The following POLR1C variants were observed in gnomAD, a reference collection of about 807,000 sequenced individuals.
POLR1C encodes DNA-directed RNA polymerases I and III subunit RPAC1.
A neutral mutation model predicts 38.3 loss-of-function variants in POLR1C; 42 were observed. That is an observed-to-expected ratio of 1.10 (90% CI 0.86 to 1.42). The LOEUF (loss-of-function observed/expected upper bound fraction) is 1.42, where lower values mean the gene tolerates loss of function less well. Ranked by LOEUF, POLR1C falls within the 40% of genes most tolerant of loss-of-function variation. The pLI is 0.00. For synonymous variants in POLR1C, 163 were observed against 163.9 expected (o/e 0.99, Z 0.04); for missense variants, 507 against 450.5 (o/e 1.13, Z -1.14).
downstream of POLR1C, chr6:43,524,794 G>A (rs751772983): frequency 2.5e-6 from 4 of 1,583,968 alleles, no homozygotes; most frequent in South Asian, 4.4e-5. Context: ...GAGTGATGAA[G>A]CTGCAGCCAT....
At chr6:43,557,196 G>A (rs1762138342) in intron 10 of POLR1C, among the ~76,000 whole-genome samples, 1 of 150,806 alleles carries the variant, frequency 6.6e-6, no homozygotes, top group African/African-American at 2.4e-5. Flanking sequence ...GGAAGCCGAG[G>A]CGGGTGGATC....
At chr6:43,522,196 T>C (rs1409630878), downstream of POLR1C, 1 of 152,492 alleles carries the variant, frequency 6.6e-6, no homozygotes, top group Non-Finnish European at 1.5e-5. Context: ...CTTTTCTAAC[T>C]GGCACACCAT....
downstream of POLR1C, chr6:43,523,900 C>A: frequency 5.6e-6 from 9 of 1,613,994 alleles, no homozygotes; most frequent in Non-Finnish European, 6.8e-6. Context: ...AGGCCACCCC[C>A]ATCATTGTCC....
At chr6:43,534,095 T>A, downstream of POLR1C, 6 of 976,092 alleles carry the variant, frequency 6.1e-6, no homozygotes, top group South Asian at 1.3e-5. Context: ...ATACTACAGT[T>A]TCACACAGAT....
intron 2 of POLR1C, among the ~76,000 whole-genome samples, 194 bp downstream of exon 2, chr6:43,517,571 G>A (rs1261499679): frequency 2.0e-5 from 3 of 152,140 alleles, no homozygotes; most frequent in Non-Finnish European, 4.4e-5. Context: ...GTTCAGTCTT[G>A]TTGAGGAATG....
rs367732777 is a variant in POLR1C, at chr6:43,520,300, C to A, written c.528C>A (p.Ile176=). 1.9e-6 allele frequency: 3 copies of A among 1,612,922 alleles called. No homozygotes were observed. Among genetic ancestry groups the A allele is most frequent in the East Asian group, 4.5e-5 (2 of 44,884 alleles). ...TGTATACCAGGCATATGACATGGATCCCCCTGGGGAACCAGGCTGATCTCT... is the reference window on the plus strand; with the variant it reads ...TGTATACCAGGCATATGACATGGATACCCCTGGGGAACCAGGCTGATCTCT... ...HKVYTRHMTW[I]PLGNQADLFP... Residue 176 remains isoleucine, a synonymous_variant, in exon 6 of 9, where the codon ATC becomes ATA. Transcript: ENST00000642195.
intron 10 of POLR1C, among the ~76,000 whole-genome samples, chr6:43,557,233 T>C (rs1762141683): frequency 6.6e-6 from 1 of 151,862 alleles, no homozygotes; most frequent in Non-Finnish European, 1.5e-5. Flanking sequence ...GAGACCATCC[T>C]GGCTAACACA....
At chr6:43,518,969 T>C (rs1792993938) in intron 2 of POLR1C, among the ~76,000 whole-genome samples, 1 of 152,162 alleles carries the variant, frequency 6.6e-6, no homozygotes, top group Admixed American at 6.5e-5. Context: ...TGTGAGTGAC[T>C]GTGCCGGGCC....
At position 43,520,774 on chromosome 6, in the gene POLR1C, G is replaced by A; in HGVS notation, c.805G>A (p.Gly269Ser). Reference sequence around the variant, plus strand: ...TGTTATTGAGGTGCAGGAAGTCCAAGGTATGGTATTTGGGATGCTGTTCAA... The same window carrying A: ...TGTTATTGAGGTGCAGGAAGTCCAAAGTATGGTATTTGGGATGCTGTTCAA... Reference protein sequence around the residue: ...PGVIEVQEVQGKKVARVANPR... With the variant: ...PGVIEVQEVQSKKVARVANPR... Residue 269 changes from glycine (G) to serine (S), a missense_variant and splice_region_variant, in exon 7 of 9, where the codon GGT (glycine) becomes AGT (serine). Gly to Ser is a moderately conservative substitution (Grantham distance 56). Coordinates refer to ENST00000642195, the MANE Select transcript of POLR1C (RefSeq NM_203290.4). 1 of 1,613,780 alleles carries A rather than the reference G, an allele frequency of 6.2e-7. No individual in the cohort carries two copies. The highest frequency in any genetic ancestry group is 8.5e-7 in the Non-Finnish European group (1 of 1,179,974).
chr6:43,561,054 G>T, intron 10 of POLR1C: 1 of 1,474,428 alleles, frequency 6.8e-7, no homozygotes, highest in Non-Finnish European at 9.4e-7. Context: ...GAGAAAAGCA[G>T]GAGAGGAAAA....
In POLR1C at chr6:43,558,727, A is replaced by G. The variant is rs2306260; in HGVS notation, c.*49-2673A>G. The G allele has an allele frequency of 1.3e-3, 812 of 622,642 alleles. 12 individuals carry two copies. In the East Asian group the frequency reaches 0.021, roughly 16 times the overall value. 38.6% of individuals were successfully genotyped at this position (622,642 alleles called of 1,614,324 possible). ...ATGAGATATTGTATGGTAAATATCC[A>G]CTTCAGTTCTATCACAGGTCCACAG... On this transcript the variant is annotated intron_variant, in intron 10 of 10. Coordinates refer to the POLR1C transcript ENST00000607635.
exon 11 of POLR1C, chr6:43,562,171 C>T (rs1582239397): frequency 1.7e-6 from 2 of 1,172,276 alleles, no homozygotes; most frequent in East Asian, 2.6e-5. Flanking sequence ...ATTTGCAACC[C>T]CTCATTGAAA....
chr6:43,556,183 C>T, intron 10 of POLR1C: 1 of 497,276 alleles, frequency 2.0e-6, no homozygotes, highest in South Asian at 3.2e-5. Flanking sequence ...CCAGCTAGAT[C>T]CTGTAAGTGG....
downstream of POLR1C, among the ~76,000 whole-genome samples, chr6:43,531,870 G>C (rs1218860933): frequency 1.3e-5 from 2 of 152,018 alleles, no homozygotes; most frequent in Admixed American, 6.6e-5. Context: ...ATAAAGCTCT[G>C]GGGATGCTCC....
exon 9 of POLR1C, chr6:43,529,314 G>A (rs566970537): frequency 1.6e-5 from 14 of 897,136 alleles, no homozygotes; most frequent in African/African-American, 7.0e-5. Context: ...AGGCCAAGGC[G>A]AGTGGATCAC....
intron 8 of POLR1C, chr6:43,528,743 C>T: frequency 7.6e-7 from 1 of 1,315,004 alleles, no homozygotes; most frequent in Non-Finnish European, 1.1e-6. Flanking sequence ...GACAACACTT[C>T]TAGGAGCTCC....
At chr6:43,547,319 G>A (rs1417097680) in intron 9 of POLR1C, 7 of 472,368 alleles carry the variant, frequency 1.5e-5, no homozygotes, top group Non-Finnish European at 2.7e-5. Flanking sequence ...GACTCACCCT[G>A]CTGACCAAGT....
chr6:43,520,217 A>T (rs956091160), intron 5 of POLR1C, 32 bp downstream of exon 5: 1 of 1,614,030 alleles, frequency 6.2e-7, no homozygotes, highest in East Asian at 2.2e-5. Flanking sequence ...AAGAGGCCCC[A>T]CCTGTGGGTA....
chr6:43,553,607 A>G (rs1352162425), intron 10 of POLR1C: 4 of 1,448,624 alleles, frequency 2.8e-6, no homozygotes, highest in Non-Finnish European at 3.6e-6. Context: ...CTTAGAGAAC[A>G]CCTGAGAATT....
Sources: allele counts gnomAD v4.1 joint callset (sites outside exome capture counted in the v4.1 genomes callset), GRCh38; gene constraint gnomAD v4.1.1; transcripts MANE v1.5; gene names NCBI Gene and HGNC (gene_info 2026-07-23, HGNC 2026-07-21).